The following BCAS3 variants were observed in gnomAD, a reference collection of about 807,000 sequenced individuals.
BCAS3 encodes BCAS3 microtubule associated cell migration factor.
In BCAS3, 53 loss-of-function variants were observed where a neutral mutation model predicts 116.1. The ratio of observed to expected loss-of-function variants is 0.46; its 90% CI spans 0.37 to 0.57. The LOEUF is 0.57. BCAS3 is among the 20% of genes least tolerant of loss of function. The pLI, the probability that BCAS3 is intolerant of heterozygous loss-of-function variation, is 0.00. For synonymous variants in BCAS3, 391 were observed against 408.2 expected (o/e 0.96, Z 0.51); for missense variants, 917 against 1,165.4 (o/e 0.79, Z 3.10).
rs1274105069 is a variant in BCAS3 at position 61,339,130 on chromosome 17, G to C, written c.2426-29197G>C. ...CAGTGACATGTGACCCCCTGGGAAG[G>C]TTGTTCTGTGGAGGATGCAGAAACT... is the stretch of plus-strand genomic sequence containing the variant. On this transcript the variant is annotated intron_variant, in intron 22 of 23. Coordinates refer to ENST00000407086, the MANE Select transcript of BCAS3 (RefSeq NM_017679.5). The surrounding 1 kb of genome is among the most constrained non-coding windows in gnomAD (Gnocchi z 4.4). Among the ~76,000 whole-genome samples, 3 of 152,104 alleles carry C rather than the reference G, an allele frequency of 2.0e-5. No individual in the cohort carries two copies. Among genetic ancestry groups the C allele is most frequent in the Non-Finnish European group, 4.4e-5 (3 of 68,024 alleles).
At chr17:60,903,681 C>T (rs1359962973) in intron 11 of BCAS3, among the ~76,000 whole-genome samples, 2 of 152,206 alleles carry the variant, frequency 1.3e-5, no homozygotes, top group African/African-American at 2.4e-5. Context: ...AATCCACCCA[C>T]CTCAGCCTCC....
In BCAS3 at chr17:61,312,166, C is replaced by G. The variant is rs138019361; in HGVS notation, c.2426-56161C>G. Among the ~76,000 whole-genome samples, 433 of 152,218 alleles carry G rather than the reference C, an allele frequency of 2.8e-3. 3 individuals carry two copies. The highest frequency in any genetic ancestry group is 5.0e-3 in the Admixed American group (77 of 15,286). ...TCCCAGTGTTCTCCCTCATTCACCC[C>G]CTAGGTGACAGTGGATCCAACTCTC... On this transcript the variant is annotated intron_variant, in intron 22 of 23. Transcript: ENST00000407086.
chr17:60,729,856 G>A (rs543873481), intron 5 of BCAS3, among the ~76,000 whole-genome samples: 1 of 152,216 alleles, frequency 6.6e-6, no homozygotes, highest in Non-Finnish European at 1.5e-5. Flanking sequence ...GAGTGATTAT[G>A]AAGTGTTTAT....
chr17:61,253,817 T>C (rs1186431668), intron 22 of BCAS3, among the ~76,000 whole-genome samples: 1 of 152,066 alleles, frequency 6.6e-6, no homozygotes, highest in Non-Finnish European at 1.5e-5. Flanking sequence ...ACTTTAGAGA[T>C]GATTAAGTAT....
In BCAS3 at chr17:61,360,330, T is replaced by C. The variant is rs1603039377; in HGVS notation, c.2426-7997T>C. On this transcript the variant is annotated intron_variant, in intron 22 of 23. Coordinates refer to ENST00000407086, the MANE Select transcript of BCAS3 (RefSeq NM_017679.5). ...AACTTTTGTTTAATACAGTCTTTCA[T>C]AATACTATCTGGTCTGATGCTCACA... is the stretch of plus-strand genomic sequence containing the variant. Among the ~76,000 whole-genome samples the C allele has an allele frequency of 3.3e-5, 5 of 152,332 alleles. No individual in the cohort carries two copies. In the East Asian group the frequency reaches 9.6e-4, roughly 29 times the overall value.
rs1483109412 is a variant in BCAS3 at position 61,087,066 on chromosome 17, A to G, written c.2425+2502A>G. On this transcript the variant is annotated intron_variant, in intron 22 of 23. Coordinates refer to ENST00000407086, the MANE Select transcript of BCAS3 (RefSeq NM_017679.5). This position sits in a 1 kb window ranked among gnomAD's most constrained non-coding sequence, Gnocchi z 4.6. Reference sequence around the variant, plus strand: ...AATAATTTGAGTTCTTTATGTAAACATATTTATGGGAAAATTTTGTTGTAG... The same window carrying G: ...AATAATTTGAGTTCTTTATGTAAACGTATTTATGGGAAAATTTTGTTGTAG... 1 of 984,962 alleles carries G rather than the reference A, an allele frequency of 1.0e-6. No homozygotes were observed. The highest frequency in any genetic ancestry group is 1.1e-4 in the East Asian group (1 of 8,834). 61.0% of individuals were successfully genotyped at this position (984,962 alleles called of 1,614,324 possible). A position where few individuals can be genotyped will look rare whatever the true frequency, so the allele number is the denominator to read the frequency against.
At chr17:61,150,231 CAGACAGA>C (rs1305878440) in intron 22 of BCAS3, among the ~76,000 whole-genome samples, 1 of 152,170 alleles carries the variant, frequency 6.6e-6, no homozygotes, top group East Asian at 1.9e-4. Context: ...AGTATGCTCC[CAGACAGA>C]AGACTGCAAT....
intron 22 of BCAS3, among the ~76,000 whole-genome samples, chr17:61,202,885 T>G (rs2080922945): frequency 6.6e-6 from 1 of 152,194 alleles, no homozygotes; most frequent in Non-Finnish European, 1.5e-5. Context: ...AAGTAAAGAT[T>G]CCCCTTATGT....
intron 22 of BCAS3, among the ~76,000 whole-genome samples, chr17:61,206,697 A>G (rs972346459): frequency 2.0e-4 from 30 of 147,900 alleles, no homozygotes; most frequent in Non-Finnish European, 2.8e-4. Context: ...GCTACTCGGG[A>G]GGCTGAAGCA....
At chr17:60,950,428 G>A (rs1240653909) in intron 14 of BCAS3, among the ~76,000 whole-genome samples, 1 of 152,166 alleles carries the variant, frequency 6.6e-6, no homozygotes, top group Non-Finnish European at 1.5e-5. Flanking sequence ...GGAGAAAATT[G>A]ACCATGAATG....
chr17:60,977,941 G>A (rs1255160328), intron 14 of BCAS3, among the ~76,000 whole-genome samples: 1 of 144,334 alleles, frequency 6.9e-6, no homozygotes, highest in Non-Finnish European at 1.5e-5. Context: ...TTGCTATTGT[G>A]AATAATGCCT....
chr17:60,806,583 G>T (rs1202347007), intron 6 of BCAS3, among the ~76,000 whole-genome samples: 24 of 143,856 alleles, frequency 1.7e-4, no homozygotes, highest in Non-Finnish European at 2.9e-4. Flanking sequence ...ACTGATTCTT[G>T]CTCTGTCATC....
chr17:61,260,045 T>C lies in BCAS3; in HGVS notation c.2426-108282T>C, dbSNP rs2049065839. ...ATTAAGGTAGGTATTCTTATGCCCA[T>C]GTTACAGATAAGTACTGGATAAGTT... On this transcript the variant is annotated intron_variant, in intron 22 of 23. Coordinates refer to ENST00000407086, the MANE Select transcript of BCAS3 (RefSeq NM_017679.5). Among the ~76,000 whole-genome samples, 3 of 152,250 alleles carry C rather than the reference T, an allele frequency of 2.0e-5. No individual in the cohort carries two copies. The South Asian group carries it at 6.2e-4, about 32-fold the overall frequency.
At position 61,229,294 on chromosome 17, in the gene BCAS3, G is replaced by A. The variant is rs2082533340; in HGVS notation, c.2426-139033G>A. ...GAAGAAAAGTTTGAAGCTAACAGAG[G>A]TTGGTTCGTGAGGTTAAGGAAAGAA... On this transcript the variant is annotated intron_variant, in intron 22 of 23. Coordinates refer to ENST00000407086, the MANE Select transcript of BCAS3 (RefSeq NM_017679.5). The surrounding 1 kb of genome is among the most constrained non-coding windows in gnomAD (Gnocchi z 4.4). 6.6e-6 allele frequency among the ~76,000 whole-genome samples: 1 copy of A among 152,178 alleles called. No individual in the cohort carries two copies. The highest frequency in any genetic ancestry group is 1.5e-5 in the Non-Finnish European group (1 of 68,030).
At chr17:60,717,214 CTTCT>C (rs748273907) in intron 5 of BCAS3, among the ~76,000 whole-genome samples, 3,960 of 149,338 alleles carry the variant, frequency 0.027, 120 homozygotes, top group African/African-American at 0.09. Flanking sequence ...TCTTCTTCTT[CTTCT>C]TTTTTTTTTT....
intron 7 of BCAS3, among the ~76,000 whole-genome samples, chr17:60,836,788 C>CA (rs1225676977): frequency 6.6e-6 from 1 of 152,004 alleles, no homozygotes. Context: ...TGAAATGTTT[C>CA]CCATGTTAGT....
At chr17:61,110,311 C>G (rs1403178515) in intron 22 of BCAS3, among the ~76,000 whole-genome samples, 2 of 152,216 alleles carry the variant, frequency 1.3e-5, no homozygotes, top group African/African-American at 4.8e-5. Flanking sequence ...TGGGTGATTT[C>G]TGCATTTCCA....
At chr17:60,703,477 G>A (rs1227204938) in intron 4 of BCAS3, among the ~76,000 whole-genome samples, 2 of 151,190 alleles carry the variant, frequency 1.3e-5, no homozygotes, top group South Asian at 2.1e-4. Flanking sequence ...GCAGGAGATC[G>A]CTTGAGCTTG....
At chr17:60,818,064 A>G (rs1340842536) in intron 7 of BCAS3, among the ~76,000 whole-genome samples, 1 of 152,098 alleles carries the variant, frequency 6.6e-6, no homozygotes, top group Non-Finnish European at 1.5e-5. Flanking sequence ...CATGTTGGCC[A>G]GGCTGGTCTT....
Sources: gnomAD v4.1 joint callset for allele counts (sites outside exome capture counted in the v4.1 genomes callset) on GRCh38, gnomAD v4.1.1 for gene constraint, Gnocchi (gnomAD v3.1) non-coding constraint, MANE v1.5 for transcripts, NCBI Gene and HGNC (gene_info 2026-07-23, HGNC 2026-07-21) for gene names.